DOCK1: variants seen among roughly 807,000 people sequenced by gnomAD.
The protein encoded by DOCK1 is dedicator of cytokinesis 1.
DOCK1 carries 138 observed loss-of-function variants against 262.7 expected under a neutral mutation model. The ratio of observed to expected loss-of-function variants is 0.53; its 90% confidence interval spans 0.46 to 0.61. The LOEUF is 0.61. Among genes scored for constraint, DOCK1 ranks in the 20% least tolerant of loss-of-function variants. The pLI, the probability that DOCK1 is intolerant of heterozygous loss-of-function variation, is 0.00. For synonymous variants in DOCK1, 866 were observed against 867.4 expected, an observed-to-expected ratio of 1.00 and a Z score of 0.03; for missense variants, 1,908 against 2,370.7, an observed-to-expected ratio of 0.80 and a Z score of 4.05.
intron 43 of DOCK1, 133 bp from the exon 44 acceptor site, chr10:127,415,019 T>A (rs997391413): frequency 1.6e-5 from 12 of 756,540 alleles, no homozygotes; most frequent in Non-Finnish European, 2.6e-5. Flanking sequence ...TGCCCTGTGC[T>A]GAGCACCACA....
intron 38 of DOCK1, among the ~76,000 whole-genome samples, chr10:127,399,918 A>C (rs536044914): frequency 5.9e-5 from 9 of 152,160 alleles, no homozygotes; most frequent in Non-Finnish European, 1.3e-4. Context: ...GACATACGAA[A>C]GACTTAGAGC....
intron 26 of DOCK1, among the ~76,000 whole-genome samples, chr10:127,126,147 T>A (rs1241655643): frequency 6.6e-6 from 1 of 151,144 alleles, no homozygotes; most frequent in Non-Finnish European, 1.5e-5. Flanking sequence ...CAGGCTAGAG[T>A]GCAGTGGCAC....
intron 27 of DOCK1, 150 bp from the exon 28 acceptor site, chr10:127,247,858 C>G (rs2059483566): frequency 5.8e-6 from 4 of 691,572 alleles, no homozygotes; most frequent in South Asian, 1.8e-5. Context: ...CTGATCTTCC[C>G]TGAGAGAGGG....
At chr10:127,444,304 G>C in intron 50 of DOCK1, 25 bp downstream of exon 50, 1 of 1,574,282 alleles carries the variant, frequency 6.4e-7, no homozygotes, top group Non-Finnish European at 8.6e-7. Context: ...CCCCACATAC[G>C]AATCGTGCTA....
At chr10:127,050,421 T>G (rs1463730086) in intron 21 of DOCK1, among the ~76,000 whole-genome samples, 3 of 151,944 alleles carry the variant, frequency 2.0e-5, no homozygotes, top group African/African-American at 4.8e-5. Context: ...TCTAAAAAAT[T>G]TTTATGCCCT....
chr10:127,393,021 G>A (rs1488492628), intron 38 of DOCK1, among the ~76,000 whole-genome samples: 1 of 152,186 alleles, frequency 6.6e-6, no homozygotes, highest in Non-Finnish European at 1.5e-5. Context: ...AAGCATGCAG[G>A]GAGGGCCGTC....
intron 27 of DOCK1, chr10:127,146,135 A>C: frequency 2.1e-6 from 1 of 480,860 alleles, no homozygotes; most frequent in Non-Finnish European, 4.1e-6. Context: ...TCTTCCCATG[A>C]AACTGACAGC....
chr10:127,113,125 A>T (rs951879863), intron 25 of DOCK1, among the ~76,000 whole-genome samples: 6 of 152,140 alleles, frequency 3.9e-5, no homozygotes, highest in Non-Finnish European at 8.8e-5. Flanking sequence ...TCTGATTTTC[A>T]TGCTTTTTTC....
intron 1 of DOCK1, among the ~76,000 whole-genome samples, chr10:126,943,393 C>T (rs2035164755): frequency 6.6e-6 from 1 of 152,198 alleles, no homozygotes; most frequent in South Asian, 2.1e-4. Context: ...CTAGACCTAG[C>T]ACTGGTTGAC....
At chr10:127,183,071 CT>C (rs3066813) in intron 27 of DOCK1, among the ~76,000 whole-genome samples, 21,399 of 88,204 alleles carry the variant, frequency 0.24, 2,242 homozygotes, top group Non-Finnish European at 0.26. Context: ...TATGGTGAAT[CT>C]TTTTTTTTTT....
At chr10:127,144,866 G>C (rs540137281) in intron 27 of DOCK1, among the ~76,000 whole-genome samples, 7 of 152,098 alleles carry the variant, frequency 4.6e-5, no homozygotes, top group Non-Finnish European at 8.8e-5. Flanking sequence ...CAGAATAAAT[G>C]GCTAATCCAT....
At chr10:127,327,398 G>C (rs2062789974) in intron 29 of DOCK1, among the ~76,000 whole-genome samples, 1 of 152,152 alleles carries the variant, frequency 6.6e-6, no homozygotes, top group Non-Finnish European at 1.5e-5. Flanking sequence ...TTATGTTATG[G>C]AGATGGCTTC....
chr10:127,238,690 A>C (rs2059158600), intron 27 of DOCK1, among the ~76,000 whole-genome samples: 1 of 152,080 alleles, frequency 6.6e-6, no homozygotes, highest in Admixed American at 6.5e-5. Flanking sequence ...GAGCCTCCCC[A>C]CACCACCTCC....
chr10:126,951,211 G>T (rs2036192217), intron 1 of DOCK1, among the ~76,000 whole-genome samples: 1 of 151,672 alleles, frequency 6.6e-6, no homozygotes, highest in Non-Finnish European at 1.5e-5. Context: ...TGGTAGTGGT[G>T]GTGGTAATAT....
In DOCK1 at chr10:127,026,492, C is replaced by T; in HGVS notation, c.1624+68C>T. On this transcript the variant is annotated intron_variant, in intron 16 of 51. Transcript: ENST00000623213. ...AGAACTGGGGGAAAGCGCGAGAGGC[C>T]ACTCTCAGTTGTTCTGGAACTCGCT... is the stretch of plus-strand genomic sequence containing the variant. 5 of 1,416,426 alleles carry T rather than the reference C, an allele frequency of 3.5e-6. 1 individual carries two copies. The Middle Eastern group carries it at 5.3e-4, about 149-fold the overall frequency. The allele number at this position is 1,416,426 out of a possible 1,614,324, so 87.7% of individuals were successfully genotyped here.
chr10:127,317,667 T>C (rs1487016230), intron 29 of DOCK1, among the ~76,000 whole-genome samples: 9 of 152,218 alleles, frequency 5.9e-5, no homozygotes, highest in Non-Finnish European at 1.3e-4. Flanking sequence ...AGCAACTTAA[T>C]ACATGTCCGG....
At chr10:127,146,648 G>A (rs1294609646) in intron 27 of DOCK1, among the ~76,000 whole-genome samples, 1 of 152,124 alleles carries the variant, frequency 6.6e-6, no homozygotes. Context: ...TAAGAACAGA[G>A]CACTAAACAT....
intron 23 of DOCK1, among the ~76,000 whole-genome samples, chr10:127,075,191 AAAAAAAAAGG>A (rs2135957752): frequency 7.3e-6 from 1 of 137,428 alleles, no homozygotes; most frequent in Admixed American, 7.1e-5. Flanking sequence ...AAAAAAAAAA[AAAAAAAAAGG>A]AGAGTTGTTA....
At chr10:127,444,400 A>G in intron 50 of DOCK1, 121 bp downstream of exon 50, 1 of 1,273,778 alleles carries the variant, frequency 7.9e-7, no homozygotes, top group South Asian at 1.6e-5. Flanking sequence ...GAGTTTAGAT[A>G]AACACCTGGC....
Sources: gnomAD v4.1 joint callset for allele counts (sites outside exome capture counted in the v4.1 genomes callset) on GRCh38, gnomAD v4.1.1 for gene constraint, MANE v1.5 for transcripts, NCBI Gene and HGNC (gene_info 2026-07-23, HGNC 2026-07-21) for gene names.